The following NT5DC3 variants were observed in gnomAD, a reference collection of about 807,000 sequenced individuals.
The protein encoded by NT5DC3 is 5'-nucleotidase domain containing 3, also known as 5'-nucleotidase domain-containing protein 3.
In NT5DC3, 42 loss-of-function variants were observed where a neutral mutation model predicts 67.8. That is an observed-to-expected ratio of 0.62 (90% CI 0.48 to 0.80). The LOEUF is 0.80. Among genes scored for constraint, NT5DC3 ranks in the 30% least tolerant of loss-of-function variants. The probability of loss-of-function intolerance (pLI) is 0.00; values close to 1 mark genes in which losing one functional copy is unlikely to be tolerated. For missense variants in NT5DC3, 570 were observed against 696.4 expected (o/e 0.82, Z 2.04); for synonymous variants, 237 against 255.6 (o/e 0.93, Z 0.69).
intron 9 of NT5DC3, among the ~76,000 whole-genome samples, chr12:103,790,705 T>TTC (rs1886013023): frequency 7.3e-6 from 1 of 137,730 alleles, no homozygotes; most frequent in Non-Finnish European, 1.6e-5. Flanking sequence ...TTTTTTTTTT[T>TTC]TTTTTTTTTT....
At chr12:103,766,148 C>CACAA (rs762903035), downstream of NT5DC3, 2 of 1,183,314 alleles carry the variant, frequency 1.7e-6, no homozygotes, top group Admixed American at 1.9e-5. Flanking sequence ...AAGGCAGCAG[C>CACAA]ACAAACAAAC....
the NT5DC3 span, chr12:103,762,276 C>G: frequency 1.9e-6 from 3 of 1,614,020 alleles, no homozygotes; most frequent in African/African-American, 2.7e-5. Context: ...GTGTTCAGAC[C>G]TTGACCCACA....
At chr12:103,824,388 C>T (rs1326441686) in intron 1 of NT5DC3, among the ~76,000 whole-genome samples, 4 of 152,218 alleles carry the variant, frequency 2.6e-5, no homozygotes, top group Non-Finnish European at 5.9e-5. Context: ...ATCCTTTCCA[C>T]GGTGAAAGTG....
Position 103,774,475 on chromosome 12 carries a change from A to C in NT5DC3, c.*3354T>G, listed in dbSNP as rs1386094445. ...GGCAGGTGGATTACCCAAGGTCAGG[A>C]GTTCGAGACCAGCCTGGCCAACATG... is the stretch of plus-strand genomic sequence containing the variant. On this transcript the variant is annotated 3_prime_UTR_variant, in exon 14 of 14. Transcript: ENST00000392876. The C allele has an allele frequency of 6.6e-6, 1 of 152,180 alleles. No individual in the cohort carries two copies. The highest frequency in any genetic ancestry group is 2.4e-5 in the African/African-American group (1 of 41,436). 9.4% of individuals were successfully genotyped at this position (152,180 alleles called of 1,614,324 possible).
chr12:103,796,532 AAAG>A (rs1161812541), intron 6 of NT5DC3, among the ~76,000 whole-genome samples: 3 of 151,330 alleles, frequency 2.0e-5, no homozygotes, highest in African/African-American at 4.9e-5. Context: ...TTCAAAAAAA[AAAG>A]AAGAGGCACC....
At chr12:103,782,527 CAG>C (rs1421365138) in intron 12 of NT5DC3, among the ~76,000 whole-genome samples, 2 of 152,198 alleles carry the variant, frequency 1.3e-5, no homozygotes. Flanking sequence ...GTAGCTGCAA[CAG>C]AGCCTACAGC....
intron 12 of NT5DC3, among the ~76,000 whole-genome samples, chr12:103,783,635 A>G (rs527345051): frequency 5.1e-4 from 78 of 152,228 alleles, no homozygotes; most frequent in African/African-American, 1.6e-3. Flanking sequence ...GCAGCTATGT[A>G]AACCTCAACT....
chr12:103,763,211 G>C, the NT5DC3 span: 1 of 341,640 alleles, frequency 2.9e-6, no homozygotes, highest in African/African-American at 2.1e-5. Context: ...CTGGGTGGCA[G>C]GCACCAGCAG....
chr12:103,819,154 T>A (rs1348388967), intron 1 of NT5DC3, among the ~76,000 whole-genome samples: 2 of 151,956 alleles, frequency 1.3e-5, no homozygotes, highest in Non-Finnish European at 2.9e-5. Context: ...CCTGTGGGAG[T>A]GAAAGCCTGA....
the NT5DC3 span, among the ~76,000 whole-genome samples, chr12:103,756,080 A>G: frequency 2.2e-5 from 3 of 134,436 alleles, no homozygotes; most frequent in African/African-American, 8.3e-5. Context: ...TGTATGTGGA[A>G]CAGTTTAAGA....
chr12:103,759,270 A>C, the NT5DC3 span: 1 of 1,614,016 alleles, frequency 6.2e-7, no homozygotes, highest in South Asian at 1.1e-5. Context: ...ACCCACTCCA[A>C]CCGGTACAAA....
intron 1 of NT5DC3, among the ~76,000 whole-genome samples, chr12:103,816,856 T>C (rs1262638710): frequency 1.3e-5 from 2 of 152,134 alleles, no homozygotes; most frequent in African/African-American, 4.8e-5. Flanking sequence ...AAATAAGTCA[T>C]CACTATGACA....
chr12:103,780,669 T>C (rs1885512239), intron 12 of NT5DC3, among the ~76,000 whole-genome samples: 1 of 152,264 alleles, frequency 6.6e-6, no homozygotes, highest in Non-Finnish European at 1.5e-5. Flanking sequence ...TATCCATGTA[T>C]GTATAACACA....
chr12:103,840,423 T>TCATCTCATC (rs1566137842), intron 1 of NT5DC3, among the ~76,000 whole-genome samples: 1 of 62,290 alleles, frequency 1.6e-5, no homozygotes, highest in Non-Finnish European at 4.2e-5. Context: ...CTCATCTCAT[T>TCATCTCATC]CCATCCCATT....
intron 1 of NT5DC3, among the ~76,000 whole-genome samples, chr12:103,832,295 A>G (rs1887966354): frequency 6.6e-6 from 1 of 152,090 alleles, no homozygotes; most frequent in Non-Finnish European, 1.5e-5. Flanking sequence ...TAAGAGTTCA[A>G]TAAAAGATTG....
At chr12:103,758,817 G>A in the NT5DC3 span, among the ~76,000 whole-genome samples, 243 of 152,322 alleles carry the variant, frequency 1.6e-3, no homozygotes, top group African/African-American at 5.7e-3. Context: ...ACAGGTGGCT[G>A]ACCTGAGGCT....
At chr12:103,835,621 T>C (rs1232061470) in intron 1 of NT5DC3, among the ~76,000 whole-genome samples, 3 of 152,148 alleles carry the variant, frequency 2.0e-5, no homozygotes, top group Non-Finnish European at 4.4e-5. Flanking sequence ...AGACTGATAG[T>C]TATTTCATAA....
intron 1 of NT5DC3, among the ~76,000 whole-genome samples, chr12:103,832,581 G>C (rs1052233612): frequency 4.6e-5 from 7 of 151,972 alleles, no homozygotes; most frequent in African/African-American, 1.7e-4. Flanking sequence ...TAATGAAAGG[G>C]GAAAATGAAC....
chr12:103,753,935 T>C, the NT5DC3 span, among the ~76,000 whole-genome samples: 2 of 152,188 alleles, frequency 1.3e-5, no homozygotes, highest in East Asian at 1.9e-4. Flanking sequence ...CTTTCAGATA[T>C]GGCAGGAAGG....
Sources: allele counts gnomAD v4.1 joint callset (sites outside exome capture counted in the v4.1 genomes callset), GRCh38; gene constraint gnomAD v4.1.1; transcripts MANE v1.5; gene names NCBI Gene and HGNC (gene_info 2026-07-23, HGNC 2026-07-21).